CTR9: variants seen among roughly 807,000 people sequenced by gnomAD.
The protein encoded by CTR9 is CTR9 component of Paf1/RNA polymerase II complex.
A neutral mutation model predicts 152.1 loss-of-function variants in CTR9; 41 were observed. The ratio of observed to expected loss-of-function variants is 0.27; its 90% CI spans 0.21 to 0.35. The LOEUF (loss-of-function observed/expected upper bound fraction) is 0.35. Among genes scored for constraint, CTR9 ranks in the 10% least tolerant of loss-of-function variants. The pLI, the probability that CTR9 is intolerant of heterozygous loss-of-function variation, is 1.00. For missense variants in CTR9, 917 were observed against 1,424.4 expected (o/e 0.64, Z 5.73); for synonymous variants, 476 against 496.2 (o/e 0.96, Z 0.54).
rs576753440 is a variant in CTR9, at chr11:10,763,645, A to G, written c.960A>G (p.Glu320=). ...YQLARSFHVQ[E]DYDQAFQYYY... is the part of the protein sequence containing the mutation. ...CTTTTTTAATTTTCATTCTTTAGGA[A>G]GATTATGACCAAGCTTTTCAGTACT... Residue 320 remains glutamate (E), a splice_region_variant and synonymous_variant, in exon 9 of 25, where the codon GAA becomes GAG. Transcript: ENST00000361367. 2.5e-6 allele frequency: 4 copies of G among 1,594,318 alleles called. No individual in the cohort carries two copies. In the South Asian group the frequency reaches 3.5e-5, roughly 14 times the overall value.
rs1298191410 is a variant in CTR9 at position 10,779,441 on chromosome 11, A to G, written c.*336A>G. 4.9e-6 allele frequency: 1 copy of G among 202,762 alleles called. No individual in the cohort carries two copies. Among genetic ancestry groups the G allele is most frequent in the Non-Finnish European group, 1.0e-5 (1 of 99,088 alleles). 12.6% of individuals were successfully genotyped at this position (202,762 alleles called of 1,614,324 possible). The stretch of plus-strand genomic sequence containing the variant: ...TCATCTTCTTTATATGTTAAGCAGC[A>G]TACTCTTCTGATTTTTATTGCAATC... On this transcript the variant is annotated 3_prime_UTR_variant, in exon 25 of 25. Coordinates refer to ENST00000361367, the MANE Select transcript of CTR9 (RefSeq NM_014633.5).
At chr11:10,753,187 C>T (rs1862832323) in intron 2 of CTR9, among the ~76,000 whole-genome samples, 2 of 152,130 alleles carry the variant, frequency 1.3e-5, no homozygotes, top group African/African-American at 4.8e-5. Flanking sequence ...AAAATCACTT[C>T]ACCCAAAATC....
At chr11:10,769,993 A>T (rs569767814) in intron 16 of CTR9, among the ~76,000 whole-genome samples, 5 of 152,352 alleles carry the variant, frequency 3.3e-5, no homozygotes, top group African/African-American at 1.2e-4. Flanking sequence ...AAACCATTTC[A>T]AGCATCTAGT....
rs1475960260 is a variant in CTR9 at position 10,767,112 on chromosome 11, A to G, written c.1686+622A>G. 2 of 152,812 alleles carry G rather than the reference A, an allele frequency of 1.3e-5. No individual in the cohort carries two copies. Among genetic ancestry groups the G allele is most frequent in the African/African-American group, 4.8e-5 (2 of 41,468 alleles). 9.5% of individuals were successfully genotyped at this position (152,812 alleles called of 1,614,324 possible). A position where few individuals can be genotyped will look rare whatever the true frequency, so the allele number is the denominator to read the frequency against. The stretch of plus-strand genomic sequence containing the variant: ...ATTTTACAACTTACTAATGGGTATC[A>G]ACTCAGTTTGAAAACCACTCATGTG... On this transcript the variant is annotated intron_variant, in intron 13 of 24. Coordinates refer to ENST00000361367, the MANE Select transcript of CTR9 (RefSeq NM_014633.5). This position sits in a 1 kb window ranked among gnomAD's most constrained non-coding sequence, Gnocchi z 4.0.
intron 5 of CTR9, among the ~76,000 whole-genome samples, chr11:10,758,685 C>T (rs1216942927): frequency 6.6e-6 from 1 of 152,190 alleles, no homozygotes; most frequent in Non-Finnish European, 1.5e-5. Flanking sequence ...CAACCTGAGT[C>T]ACGTGGCATG....
At chr11:10,764,874 G>C (rs868345156) in intron 12 of CTR9, 143 bp downstream of exon 12, 3 of 708,320 alleles carry the variant, frequency 4.2e-6, no homozygotes, top group Admixed American at 3.0e-5. Context: ...CAAATTTGTG[G>C]CCTTAAAACA....
Position 10,770,512 on chromosome 11 carries a change from C to G in CTR9, c.2252C>G (p.Thr751Arg). The change falls in exon 18 of 25, where the codon ACA becomes AGA. Residue 751 changes from threonine (T) to arginine (R), a missense_variant. Thr to Arg is a moderately conservative substitution (Grantham distance 71). Transcript: ENST00000361367. The part of the protein sequence containing the change: ...LKARHVAPSD[T>R]VLMFNVALVL... ...GCTAGACATGTGGCACCCAGTGATA[C>G]AGTTCTTATGTTTAATGTGGCCTTG... The G allele has an allele frequency of 6.2e-7, 1 of 1,613,338 alleles. No individual in the cohort carries two copies. Among genetic ancestry groups the G allele is most frequent in the Non-Finnish European group, 8.5e-7 (1 of 1,179,770 alleles).
chr11:10,771,352 T>C (rs1347856123), intron 18 of CTR9, among the ~76,000 whole-genome samples, 193 bp from the exon 19 acceptor site: 3 of 152,244 alleles, frequency 2.0e-5, no homozygotes, highest in Non-Finnish European at 4.4e-5. Flanking sequence ...GTGAATTTAC[T>C]GATAATATTA....
intron 23 of CTR9, 25 bp downstream of exon 23, chr11:10,775,328 C>T (rs1353194175): frequency 6.3e-7 from 1 of 1,592,594 alleles, no homozygotes; most frequent in South Asian, 1.1e-5. Flanking sequence ...CTGTGTTTTT[C>T]TGTCCCCTAG....
rs752063483 is a variant in CTR9, at chr11:10,755,806, T to C, written c.502+11T>C. 2.0e-6 allele frequency: 3 copies of C among 1,516,986 alleles called. No homozygotes were observed. The African/African-American group carries it at 4.1e-5, about 21-fold the overall frequency. The allele number at this position is 1,516,986 out of a possible 1,614,324, so 94.0% of individuals were successfully genotyped here. On this transcript the variant is annotated intron_variant, in intron 4 of 24. Transcript: ENST00000361367. ...TTCCAGCCCTTCTTGGTAAGTGGTCTTTGGCAACATGTTAGGAAACAGTTG... is the reference window on the plus strand; with the variant it reads ...TTCCAGCCCTTCTTGGTAAGTGGTCCTTGGCAACATGTTAGGAAACAGTTG...
rs377011136 is a variant in CTR9 at position 10,772,512 on chromosome 11, T to C, written c.2445-8T>C. On this transcript the variant is annotated splice_region_variant and splice_polypyrimidine_tract_variant and intron_variant, in intron 19 of 24. Coordinates refer to ENST00000361367, the MANE Select transcript of CTR9 (RefSeq NM_014633.5). The stretch of plus-strand genomic sequence containing the variant: ...CATTCATGTTTCTCTAAACCTGAAA[T>C]GTTCTAGGCAGTGTTCTGACTTACT... 697 of 1,440,506 alleles carry C rather than the reference T, an allele frequency of 4.8e-4. No individual in the cohort carries two copies. The highest frequency in any genetic ancestry group is 4.2e-4 in the Non-Finnish European group (453 of 1,088,274). The allele number at this position is 1,440,506 out of a possible 1,614,324, so 89.2% of individuals were successfully genotyped here. A position where few individuals can be genotyped will look rare whatever the true frequency, so the allele number is the denominator to read the frequency against.
In CTR9 at chr11:10,756,743, T is replaced by C; in HGVS notation, c.503-6T>C. 1 of 1,601,550 alleles carries C rather than the reference T, an allele frequency of 6.2e-7. No individual in the cohort carries two copies. The highest frequency in any genetic ancestry group is 8.5e-7 in the Non-Finnish European group (1 of 1,173,106). ...ACACTGTGTTTATTTTTAAAAATCATTACAGGTAAAGCTTGCATTTCCTTC... is the reference window on the plus strand; with the variant it reads ...ACACTGTGTTTATTTTTAAAAATCACTACAGGTAAAGCTTGCATTTCCTTC... On this transcript the variant is annotated splice_region_variant and splice_polypyrimidine_tract_variant and intron_variant, in intron 4 of 24. Coordinates refer to ENST00000361367, the MANE Select transcript of CTR9 (RefSeq NM_014633.5).
chr11:10,755,337 C>A, intron 3 of CTR9, 140 bp downstream of exon 3: 1 of 1,056,198 alleles, frequency 9.5e-7, no homozygotes, highest in Non-Finnish European at 1.4e-6. Flanking sequence ...AAAGGTTCCT[C>A]ATTAAAATCG....
Position 10,779,280 on chromosome 11 carries a change from A to G in CTR9, c.*175A>G. 6.5e-6 allele frequency: 4 copies of G among 614,278 alleles called. No homozygotes were observed. In the East Asian group the frequency reaches 1.1e-4, roughly 18 times the overall value. 38.1% of individuals were successfully genotyped at this position (614,278 alleles called of 1,614,324 possible). Reference sequence around the variant, plus strand: ...GAGACATTTCCTGTGCTAGAGTCCAATATTTGAGTCTCTCGTGCAAATGAG... The same window carrying G: ...GAGACATTTCCTGTGCTAGAGTCCAGTATTTGAGTCTCTCGTGCAAATGAG... On this transcript the variant is annotated 3_prime_UTR_variant, in exon 25 of 25. Transcript: ENST00000361367.
chr11:10,754,868 A>G (rs185508104), intron 2 of CTR9, 90 bp from the exon 3 acceptor site: 4 of 1,345,430 alleles, frequency 3.0e-6, no homozygotes, highest in Admixed American at 4.9e-5. Flanking sequence ...GTTTTTTGTT[A>G]TTACAAATAA....
In CTR9 at chr11:10,770,323, G is replaced by A; in HGVS notation, c.2223G>A (p.Leu741=). ...GKLQECKQTL[L]KARHVAPSDT... ...TACAGGAATGCAAACAGACTTTGCT[G>A]AAGGTAAAAAGGAGAGATGTTATTC... Residue 741 remains leucine, a synonymous_variant, in exon 17 of 25, where the codon CTG becomes CTA. Coordinates refer to ENST00000361367, the MANE Select transcript of CTR9 (RefSeq NM_014633.5). 3 of 1,611,984 alleles carry A rather than the reference G, an allele frequency of 1.9e-6. No individual in the cohort carries two copies. The highest frequency in any genetic ancestry group is 2.5e-6 in the Non-Finnish European group (3 of 1,178,890).
chr11:10,756,720 ACT>A, intron 4 of CTR9, 27 bp from the exon 5 acceptor site: 1 of 1,498,022 alleles, frequency 6.7e-7, no homozygotes. Context: ...TTAATCAGAC[ACT>A]GTGTTTATTT....
At chr11:10,771,093 T>G (rs2135379506) in intron 18 of CTR9, among the ~76,000 whole-genome samples, 1 of 152,348 alleles carries the variant, frequency 6.6e-6, no homozygotes, top group East Asian at 1.9e-4. Context: ...ATAGTTTTAT[T>G]CAGTTCAGCT....
chr11:10,772,800 G>A, intron 20 of CTR9, 145 bp downstream of exon 20: 1 of 861,270 alleles, frequency 1.2e-6, no homozygotes, highest in Non-Finnish European at 1.7e-6. Context: ...TGGGTGGAGG[G>A]CGGATCACTT....
Sources: gnomAD v4.1 joint callset for allele counts (sites outside exome capture counted in the v4.1 genomes callset) on GRCh38, gnomAD v4.1.1 for gene constraint, Gnocchi (gnomAD v3.1) non-coding constraint, MANE v1.5 for transcripts, NCBI Gene and HGNC (gene_info 2026-07-23, HGNC 2026-07-21) for gene names.